The following HYDIN variants were observed in gnomAD, a reference collection of about 807,000 sequenced individuals.
HYDIN encodes axonemal central pair apparatus protein HYDIN.
Under a neutral mutation model 403.9 loss-of-function variants are expected in HYDIN, and 132 were observed. That is an observed-to-expected ratio of 0.33 (90% CI 0.28 to 0.38). The LOEUF is 0.38. HYDIN is among the 10% of genes least tolerant of loss of function. The pLI is 1.00. For synonymous variants in HYDIN, 1,202 were observed against 1,891.7 expected, an observed-to-expected ratio of 0.64 and a Z score of 9.46; for missense variants, 2,827 against 5,009.5, an observed-to-expected ratio of 0.56 and a Z score of 13.15.
At chr16:71,070,687 CAAG>C (rs1305276776) in intron 13 of HYDIN, among the ~76,000 whole-genome samples, 1 of 132,316 alleles carries the variant, frequency 7.6e-6, no homozygotes, top group Non-Finnish European at 1.5e-5. Flanking sequence ...ACTTTCAGAA[CAAG>C]AAGAATAATC....
intron 1 of HYDIN, among the ~76,000 whole-genome samples, chr16:71,224,642 A>T (rs2040952865): frequency 6.9e-6 from 1 of 145,428 alleles, no homozygotes; most frequent in Admixed American, 6.8e-5. Flanking sequence ...GCTCACTGCA[A>T]GCTCCGCCTC....
rs368585571 is a variant in HYDIN at position 71,210,892 on chromosome 16, T to G, written c.-24+19670A>C. Reference sequence around the variant, plus strand: ...CATATTATTATAATTTTTTACAAATTTATGTATATTATATGATAAAGCAAA... The same window carrying G: ...CATATTATTATAATTTTTTACAAATGTATGTATATTATATGATAAAGCAAA... On this transcript the variant is annotated intron_variant, in intron 1 of 85. Coordinates refer to ENST00000393567, the MANE Select transcript of HYDIN (RefSeq NM_001270974.2). 3.3e-5 allele frequency among the ~76,000 whole-genome samples: 5 copies of G among 152,106 alleles called. No individual in the cohort carries two copies. The East Asian group carries it at 7.7e-4, about 23-fold the overall frequency.
At chr16:70,809,035 CA>C (rs1414729623) in intron 85 of HYDIN, among the ~76,000 whole-genome samples, 1 of 152,166 alleles carries the variant, frequency 6.6e-6, no homozygotes, top group Non-Finnish European at 1.5e-5. Flanking sequence ...TGAGAGAAAC[CA>C]ACACCTAATT....
intron 23 of HYDIN, among the ~76,000 whole-genome samples, chr16:71,007,558 AC>A (rs2079929063): frequency 6.6e-6 from 1 of 151,598 alleles, no homozygotes; most frequent in Non-Finnish European, 1.5e-5. Flanking sequence ...ATATGAAAAA[AC>A]GTTCATTGTC....
rs1286103701 is a variant in HYDIN at position 70,974,536 on chromosome 16, G to A, written c.4907C>T (p.Thr1636Ile). The A allele has an allele frequency of 6.2e-7, 1 of 1,607,532 alleles. No homozygotes were observed. Among genetic ancestry groups the A allele is most frequent in the African/African-American group, 1.3e-5 (1 of 74,380 alleles). The change falls in exon 32 of 86, where the codon ACA becomes ATA. Residue 1636 changes from threonine (T) to isoleucine (I), a missense_variant and splice_region_variant. Coordinates refer to ENST00000393567, the MANE Select transcript of HYDIN (RefSeq NM_001270974.2). ...AAGGGTCTCCCCAGCCTGGGTACCT[G>A]TCTCATGAAGGACACGCTTGTCTGC... ...FHADKRVLHETGFSTELDRVK... is the reference protein window; with the variant it reads ...FHADKRVLHEIGFSTELDRVK...
At chr16:70,843,011 T>G (rs2143550663) in intron 75 of HYDIN, among the ~76,000 whole-genome samples, 1 of 151,968 alleles carries the variant, frequency 6.6e-6, no homozygotes, top group South Asian at 2.1e-4. Context: ...TAATTTCTTT[T>G]TTTTTACATA....
intron 47 of HYDIN, among the ~76,000 whole-genome samples, chr16:70,911,626 T>TTG (rs1455663183): frequency 4.6e-5 from 7 of 150,862 alleles, no homozygotes; most frequent in African/African-American, 7.3e-5. Context: ...AATTTTATAA[T>TTG]TTTTTCCTAA....
At chr16:70,938,806 G>C (rs1358052648) in intron 43 of HYDIN, 51 bp from the exon 44 acceptor site, 2 of 1,604,676 alleles carry the variant, frequency 1.2e-6, no homozygotes, top group Non-Finnish European at 8.5e-7. Context: ...TCTCAGTCTC[G>C]CTAGCAGCCT....
At chr16:71,177,911 A>G (rs1051509283) in intron 4 of HYDIN, among the ~76,000 whole-genome samples, 4 of 152,238 alleles carry the variant, frequency 2.6e-5, no homozygotes, top group Non-Finnish European at 5.9e-5. Context: ...AAAAGTCATA[A>G]GGCTGAAAAA....
rs1486253263 is a variant in HYDIN, at chr16:71,081,861, C to T, written c.1671-1909G>A. On this transcript the variant is annotated intron_variant, in intron 12 of 85. Coordinates refer to ENST00000393567, the MANE Select transcript of HYDIN (RefSeq NM_001270974.2). ...AAGTTGAATACAAAATGTATCTGTG[C>T]TATGGTTCAAACTTTATAAAATCAC... 3.4e-5 allele frequency among the ~76,000 whole-genome samples: 5 copies of T among 147,692 alleles called. No homozygotes were observed. In the East Asian group the frequency reaches 8.0e-4, roughly 24 times the overall value.
chr16:71,227,205 A>G (rs745862354), intron 1 of HYDIN, among the ~76,000 whole-genome samples: 76 of 152,096 alleles, frequency 5.0e-4, no homozygotes, highest in Non-Finnish European at 9.6e-4. Context: ...AGATACAAAC[A>G]GAAACTTCAC....
Position 70,868,691 on chromosome 16 carries a change from A to G in HYDIN, c.11189T>C (p.Leu3730Pro). Residue 3730 changes from leucine to proline, a missense_variant, in exon 66 of 86, where the codon CTC becomes CCC. Physicochemically the swap from Leu to Pro is moderately conservative, Grantham distance 98. Coordinates refer to ENST00000393567, the MANE Select transcript of HYDIN (RefSeq NM_001270974.2). ...AGGGAGCTGAAACATAATCCTGGAG[A>G]GCTTGCACCTGATCCGCATATTCTT... ...NLKNMRIRCK[L>P]SRIMFQLPAD... is the part of the protein sequence containing the mutation. The G allele has an allele frequency of 6.2e-7, 1 of 1,614,102 alleles. No homozygotes were observed. The highest frequency in any genetic ancestry group is 8.5e-7 in the Non-Finnish European group (1 of 1,180,016).
At chr16:70,812,674 A>T (rs1306755832) in intron 84 of HYDIN, among the ~76,000 whole-genome samples, 1 of 152,274 alleles carries the variant, frequency 6.6e-6, no homozygotes, top group Non-Finnish European at 1.5e-5. Context: ...AAGTCTCTAC[A>T]TAGAAAACCA....
chr16:70,947,868 A>G (rs1317204166), intron 41 of HYDIN, among the ~76,000 whole-genome samples: 1 of 150,092 alleles, frequency 6.7e-6, no homozygotes, highest in Non-Finnish European at 1.5e-5. Context: ...TATCGTGAAA[A>G]TGGCCATACT....
At chr16:71,175,873 AAGG>A (rs1447199308) in intron 4 of HYDIN, 132 bp from the exon 5 acceptor site, 1 of 825,894 alleles carries the variant, frequency 1.2e-6, no homozygotes, top group Non-Finnish European at 2.1e-6. Flanking sequence ...TCAACTATAA[AAGG>A]AGATGATAGT....
At chr16:71,223,272 G>T (rs1319501990) in intron 1 of HYDIN, among the ~76,000 whole-genome samples, 2 of 152,156 alleles carry the variant, frequency 1.3e-5, no homozygotes, top group African/African-American at 4.8e-5. Context: ...CAAGCCACAT[G>T]TAGAAGAATG....
Position 71,179,094 on chromosome 16 carries a change from A to G in HYDIN, c.262-47T>C, listed in dbSNP as rs760698922. 34 of 1,517,864 alleles carry G rather than the reference A, an allele frequency of 2.2e-5. No homozygotes were observed. The African/African-American group carries it at 2.9e-4, about 13-fold the overall frequency. 94.0% of individuals were successfully genotyped at this position (1,517,864 alleles called of 1,614,324 possible). A position where few individuals can be genotyped will look rare whatever the true frequency, so the allele number is the denominator to read the frequency against. On this transcript the variant is annotated intron_variant, in intron 3 of 85. Transcript: ENST00000393567. The stretch of plus-strand genomic sequence containing the variant: ...ATTGTTATAGTCACACATTGACAAA[A>G]ATGACTGGGGAAGATAAGAAAATAC...
intron 1 of HYDIN, among the ~76,000 whole-genome samples, chr16:71,193,820 T>C (rs540203581): frequency 6.6e-6 from 1 of 152,324 alleles, no homozygotes; most frequent in East Asian, 1.9e-4. Flanking sequence ...TTTCTTTATC[T>C]TAAATGTCTC....
intron 81 of HYDIN, among the ~76,000 whole-genome samples, chr16:70,828,835 T>C (rs1446841937): frequency 6.6e-6 from 1 of 151,442 alleles, no homozygotes; most frequent in Non-Finnish European, 1.5e-5. Flanking sequence ...ATGCTACTGC[T>C]ATACCGTAAA....
Sources: gnomAD v4.1 joint callset for allele counts (sites outside exome capture counted in the v4.1 genomes callset) on GRCh38, gnomAD v4.1.1 for gene constraint, MANE v1.5 for transcripts, NCBI Gene and HGNC (gene_info 2026-07-23, HGNC 2026-07-21) for gene names.